CCDC27: variants seen among roughly 807,000 people sequenced by gnomAD.
CCDC27 encodes coiled-coil domain-containing protein 27.
In CCDC27, 80 loss-of-function variants were observed where a neutral mutation model predicts 80.3. The observed-to-expected ratio is 1.00, with a 90% CI of 0.83 to 1.20. The LOEUF (loss-of-function observed/expected upper bound fraction) is 1.20, where lower values mean the gene tolerates loss of function less well. Among genes scored for constraint, CCDC27 ranks in the 50% most tolerant of loss-of-function variants. The probability of loss-of-function intolerance (pLI) is 0.00; values close to 1 mark genes in which losing one functional copy is unlikely to be tolerated. For missense variants in CCDC27, 815 were observed against 809.4 expected, an observed-to-expected ratio of 1.01 and a Z score of -0.08; for synonymous variants, 342 against 334.3, an observed-to-expected ratio of 1.02 and a Z score of -0.25.
rs750769200 is a variant in CCDC27 at position 3,763,682 on chromosome 1, C to T, written c.1322-24C>T. 33 of 1,613,634 alleles carry T rather than the reference C, an allele frequency of 2.0e-5. No homozygotes were observed. The highest frequency in any genetic ancestry group is 2.7e-5 in the African/African-American group (2 of 74,906). ...CTCACTGCCCCTGCTTGCTCCTGCTCACCGCCTCTGCCTCTGTGCCCAGGA... is the reference window on the plus strand; with the variant it reads ...CTCACTGCCCCTGCTTGCTCCTGCTTACCGCCTCTGCCTCTGTGCCCAGGA... On this transcript the variant is annotated intron_variant, in intron 7 of 11. Coordinates refer to ENST00000294600, the MANE Select transcript of CCDC27 (RefSeq NM_152492.3). The surrounding 1 kb of genome is among the most constrained non-coding windows in gnomAD (Gnocchi z 7.5).
At position 3,752,637 on chromosome 1, in the gene CCDC27, A is replaced by G. The variant is rs10797410; in HGVS notation, c.156A>G (p.Pro52=). ...TCATGTTACCTAAGGAGGCCAGCCC[A>G]TCTCAGAGGCACAGTTCGATGTCCA... ...PRLMLPKEAS[P]SQRHSSMSSS... The change falls in exon 1 of 12, where the codon CCA becomes CCG. Residue 52 remains proline, a synonymous_variant. Transcript: ENST00000294600. 616,601 of 1,613,704 alleles carry G rather than the reference A, an allele frequency of 0.38. 125,135 individuals carry two copies. Among genetic ancestry groups the G allele is most frequent in the African/African-American group, 0.76 (57,092 of 74,968 alleles).
chr1:3,757,111 C>T, intron 4 of CCDC27: 1 of 473,184 alleles, frequency 2.1e-6, no homozygotes, highest in Non-Finnish European at 3.8e-6. Context: ...CGGCATGGAA[C>T]TCAGACTCAC....
At chr1:3,753,314 CTTTTTCTTTTTTT>C (rs1222764739) in intron 1 of CCDC27, among the ~76,000 whole-genome samples, 16 of 110,070 alleles carry the variant, frequency 1.5e-4, no homozygotes, top group Non-Finnish European at 7.7e-5. Flanking sequence ...TTCTTTTTTT[CTTTTTCTTTTTTT>C]TTTTTTTTTT....
In CCDC27 at chr1:3,763,974, C is replaced by T. The variant is rs1055065744; in HGVS notation, c.1452+138C>T. The stretch of plus-strand genomic sequence containing the variant: ...GAGCCTGGGGTGTCCAGGCAGCTGG[C>T]CCAGGGTTGTGCGGCTGATAGCGGC... On this transcript the variant is annotated intron_variant, in intron 8 of 11. Transcript: ENST00000294600. This position sits in a 1 kb window ranked among gnomAD's most constrained non-coding sequence, Gnocchi z 7.5. 3 of 1,398,946 alleles carry T rather than the reference C, an allele frequency of 2.1e-6. No individual in the cohort carries two copies. Among genetic ancestry groups the T allele is most frequent in the Admixed American group, 2.7e-5 (1 of 37,384 alleles). 86.7% of individuals were successfully genotyped at this position (1,398,946 alleles called of 1,614,324 possible).
rs1027164979 is a variant in CCDC27, at chr1:3,769,202, G to A, written c.1744-581G>A. On this transcript the variant is annotated intron_variant, in intron 10 of 11. Coordinates refer to ENST00000294600, the MANE Select transcript of CCDC27 (RefSeq NM_152492.3). This position sits in a 1 kb window ranked among gnomAD's most constrained non-coding sequence, Gnocchi z 4.6. The stretch of plus-strand genomic sequence containing the variant: ...CACGATTAGCTACCTCTGGGGAGGC[G>A]GCTGCGGGTGTACAGGCAGACAAGG... 1.3e-5 allele frequency among the ~76,000 whole-genome samples: 2 copies of A among 152,114 alleles called. No individual in the cohort carries two copies. Among genetic ancestry groups the A allele is most frequent in the Non-Finnish European group, 2.9e-5 (2 of 68,018 alleles).
At position 3,761,216 on chromosome 1, in the gene CCDC27, G is replaced by A. The variant is rs1010665468; in HGVS notation, c.712-65G>A. 6 of 1,573,106 alleles carry A rather than the reference G, an allele frequency of 3.8e-6. No homozygotes were observed. In the African/African-American group the frequency reaches 6.8e-5, roughly 18 times the overall value. ...ATCTGCTCCTCCTGGGTGGGCTGGA[G>A]GCAGGTCAGGGGAAGAGTGTGTGGC... On this transcript the variant is annotated intron_variant, in intron 4 of 11. Coordinates refer to ENST00000294600, the MANE Select transcript of CCDC27 (RefSeq NM_152492.3). This position sits in a 1 kb window ranked among gnomAD's most constrained non-coding sequence, Gnocchi z 5.0.
chr1:3,769,776 C>T lies in CCDC27; in HGVS notation c.1744-7C>T, dbSNP rs1390683003. The T allele has an allele frequency of 1.2e-6, 2 of 1,610,544 alleles. No individual in the cohort carries two copies. Among genetic ancestry groups the T allele is most frequent in the South Asian group, 1.1e-5 (1 of 91,018 alleles). On this transcript the variant is annotated splice_region_variant and splice_polypyrimidine_tract_variant and intron_variant, in intron 10 of 11. Transcript: ENST00000294600. This position sits in a 1 kb window ranked among gnomAD's most constrained non-coding sequence, Gnocchi z 4.6. ...GGCGAATGATAGTGTTGTCCCTTTG[C>T]TCACAGCTCGAGAGGTTAAGGAATA... is the stretch of plus-strand genomic sequence containing the variant.
Position 3,761,709 on chromosome 1 carries a change from T to C in CCDC27, c.861+279T>C, listed in dbSNP as rs1643092029. On this transcript the variant is annotated intron_variant, in intron 5 of 11. Coordinates refer to ENST00000294600, the MANE Select transcript of CCDC27 (RefSeq NM_152492.3). The surrounding 1 kb of genome is among the most constrained non-coding windows in gnomAD (Gnocchi z 5.0). Reference sequence around the variant, plus strand: ...ATGACAAATGAGAGCCGTGAGCCGATGTCTAGGCACCTGCACCTGGCTTCT... The same window carrying C: ...ATGACAAATGAGAGCCGTGAGCCGACGTCTAGGCACCTGCACCTGGCTTCT... Among the ~76,000 whole-genome samples, 2 of 152,218 alleles carry C rather than the reference T, an allele frequency of 1.3e-5. No homozygotes were observed. Among genetic ancestry groups the C allele is most frequent in the East Asian group, 1.9e-4 (1 of 5,162 alleles).
chr1:3,770,362 C>T (rs1473119057), intron 11 of CCDC27, among the ~76,000 whole-genome samples: 2 of 152,154 alleles, frequency 1.3e-5, no homozygotes, highest in African/African-American at 4.8e-5. Flanking sequence ...GCAAGGGCCT[C>T]GGAGAAGTAG....
intron 4 of CCDC27, among the ~76,000 whole-genome samples, chr1:3,758,821 T>C (rs1643023092): frequency 6.6e-6 from 1 of 152,140 alleles, no homozygotes. Context: ...TGCCTCGAAC[T>C]CTTGAGCTCA....
At chr1:3,764,485 G>A (rs1202377315) in intron 8 of CCDC27, among the ~76,000 whole-genome samples, 1 of 150,488 alleles carries the variant, frequency 6.6e-6, no homozygotes, top group Admixed American at 6.6e-5. Context: ...TTCCTCCCTT[G>A]CCACCGCCCC....
chr1:3,770,372 G>A (rs996238005), intron 11 of CCDC27, among the ~76,000 whole-genome samples: 6 of 152,238 alleles, frequency 3.9e-5, no homozygotes, highest in African/African-American at 1.4e-4. Flanking sequence ...CGGAGAAGTA[G>A]AGGGGTGTAG....
rs113450975 is a variant in CCDC27 at position 3,761,654 on chromosome 1, AGG to A, written c.861+231_861+232del. Among the ~76,000 whole-genome samples the A allele has an allele frequency of 6.6e-6, 1 of 151,548 alleles. No individual in the cohort carries two copies. On this transcript the variant is annotated intron_variant, in intron 5 of 11. Transcript: ENST00000294600. This position sits in a 1 kb window ranked among gnomAD's most constrained non-coding sequence, Gnocchi z 5.0. ...AATGAGAGCCATGAGCTGATGCAAC[AGG>A]GGGGGGAGAGATGAATGGAGGCGCA...
rs924204304 is a variant in CCDC27, at chr1:3,755,935, C to T, written c.553+368C>T. 1.8e-5 allele frequency: 4 copies of T among 222,648 alleles called. No individual in the cohort carries two copies. In the South Asian group the frequency reaches 3.2e-4, roughly 18 times the overall value. The allele number at this position is 222,648 out of a possible 1,614,324, so 13.8% of individuals were successfully genotyped here. A position where few individuals can be genotyped will look rare whatever the true frequency, so the allele number is the denominator to read the frequency against. On this transcript the variant is annotated intron_variant, in intron 3 of 11. Transcript: ENST00000294600. Reference sequence around the variant, plus strand: ...TTTCCATTTACCAAGAGGAAATTCCCAGCACCATGTCTCCTTTCTTGCCTT... The same window carrying T: ...TTTCCATTTACCAAGAGGAAATTCCTAGCACCATGTCTCCTTTCTTGCCTT...
At chr1:3,755,245 G>T (rs766662288) in intron 2 of CCDC27, among the ~76,000 whole-genome samples, 11 of 152,198 alleles carry the variant, frequency 7.2e-5, no homozygotes, top group Non-Finnish European at 1.5e-4. Context: ...GAGAAATTCA[G>T]CCACACTTGG....
Position 3,763,809 on chromosome 1 carries a change from G to A in CCDC27, c.1425G>A (p.Arg475=), listed in dbSNP as rs766856491. The A allele has an allele frequency of 1.9e-6, 3 of 1,613,488 alleles. No homozygotes were observed. Among genetic ancestry groups the A allele is most frequent in the South Asian group, 1.1e-5 (1 of 91,082 alleles). ...ETLQKELRER[R]QQLQAMTDKF... is the part of the protein sequence containing the mutation. Reference sequence around the variant, plus strand: ...TGCAGAAGGAGCTCCGAGAGCGGAGGCAGCAGCTACAAGCCATGACCGACA... The same window carrying A: ...TGCAGAAGGAGCTCCGAGAGCGGAGACAGCAGCTACAAGCCATGACCGACA... The change falls in exon 8 of 12, where the codon AGG becomes AGA. Residue 475 remains arginine, a synonymous_variant. Transcript: ENST00000294600. This position sits in a 1 kb window ranked among gnomAD's most constrained non-coding sequence, Gnocchi z 7.5.
At position 3,771,425 on chromosome 1, in the gene CCDC27, T is replaced by C; in HGVS notation, c.1873T>C (p.Tyr625His). ...LQRIISERSD[Y>H]YNQLKQKGVK... ...GAGAATTATCTCAGAGAGAAGCGAC[T>C]ACTATAATCAGCTGAAGCAGAAAGG... is the stretch of plus-strand genomic sequence containing the variant. The change falls in exon 12 of 12, where the codon TAC (tyrosine) becomes CAC (histidine). Residue 625 changes from tyrosine to histidine, a missense_variant. Tyr to His is a moderately conservative substitution (Grantham distance 83). Transcript: ENST00000294600. The C allele has an allele frequency of 1.2e-6, 2 of 1,614,064 alleles. No homozygotes were observed. Among genetic ancestry groups the C allele is most frequent in the Non-Finnish European group, 1.7e-6 (2 of 1,179,992 alleles).
In CCDC27 at chr1:3,761,498, C is replaced by G; in HGVS notation, c.861+68C>G. 1 of 1,554,866 alleles carries G rather than the reference C, an allele frequency of 6.4e-7. No individual in the cohort carries two copies. Among genetic ancestry groups the G allele is most frequent in the Admixed American group, 1.9e-5 (1 of 53,466 alleles). On this transcript the variant is annotated intron_variant, in intron 5 of 11. Transcript: ENST00000294600. This position sits in a 1 kb window ranked among gnomAD's most constrained non-coding sequence, Gnocchi z 5.0. The stretch of plus-strand genomic sequence containing the variant: ...GTTGTTTTCAAAGCGTCCAAAGCTG[C>G]TAGTGACACACAGGCCCCTGGCAAA...
rs1332223602 is a variant in CCDC27, at chr1:3,763,806, G to T, written c.1422G>T (p.Arg474=). ...NETLQKELRE[R]RQQLQAMTDK... is the part of the protein sequence containing the mutation. Reference sequence around the variant, plus strand: ...CGCTGCAGAAGGAGCTCCGAGAGCGGAGGCAGCAGCTACAAGCCATGACCG... The same window carrying T: ...CGCTGCAGAAGGAGCTCCGAGAGCGTAGGCAGCAGCTACAAGCCATGACCG... Residue 474 remains arginine, a synonymous_variant, in exon 8 of 12, where the codon CGG becomes CGT. Coordinates refer to ENST00000294600, the MANE Select transcript of CCDC27 (RefSeq NM_152492.3). This position sits in a 1 kb window ranked among gnomAD's most constrained non-coding sequence, Gnocchi z 7.5. 6.2e-7 allele frequency: 1 copy of T among 1,613,744 alleles called. No homozygotes were observed. The highest frequency in any genetic ancestry group is 1.7e-5 in the Admixed American group (1 of 60,034).
Sources: gnomAD v4.1 joint callset for allele counts (sites outside exome capture counted in the v4.1 genomes callset) on GRCh38, gnomAD v4.1.1 for gene constraint, Gnocchi (gnomAD v3.1) non-coding constraint, MANE v1.5 for transcripts, NCBI Gene and HGNC (gene_info 2026-07-23, HGNC 2026-07-21) for gene names.